Variants in CACNA2D3 observed in about 807,000 individuals in gnomAD.
CACNA2D3 encodes the protein voltage-dependent calcium channel subunit alpha-2/delta-3.
Under a neutral mutation model 160.6 loss-of-function variants are expected in CACNA2D3, and 60 were observed. The observed-to-expected ratio is 0.37, with a 90% confidence interval of 0.30 to 0.46. The LOEUF is 0.46. Among genes scored for constraint, CACNA2D3 ranks in the 20% least tolerant of loss-of-function variants. The pLI is 1.00. For missense variants in CACNA2D3, 1,205 were observed against 1,365.0 expected (o/e 0.88, Z 1.85); for synonymous variants, 558 against 492.9 (o/e 1.13, Z -1.75).
At chr3:54,301,422 A>T (rs886175307) in intron 2 of CACNA2D3, among the ~76,000 whole-genome samples, 1 of 152,172 alleles carries the variant, frequency 6.6e-6, no homozygotes, top group Non-Finnish European at 1.5e-5. Flanking sequence ...TATGATCATG[A>T]CACTGAACTC....
At chr3:54,930,046 AT>A (rs1701146185) in intron 27 of CACNA2D3, among the ~76,000 whole-genome samples, 1 of 152,208 alleles carries the variant, frequency 6.6e-6, no homozygotes. Context: ...CTCCATTGCA[AT>A]TATTGGACTC....
intron 11 of CACNA2D3, among the ~76,000 whole-genome samples, chr3:54,676,271 C>T (rs993040923): frequency 2.2e-4 from 34 of 152,144 alleles, no homozygotes. Context: ...TGGCAAAGTC[C>T]ATGTTAAAGG....
chr3:54,438,201 T>C (rs1700088635), intron 4 of CACNA2D3, among the ~76,000 whole-genome samples: 1 of 152,228 alleles, frequency 6.6e-6, no homozygotes, highest in Non-Finnish European at 1.5e-5. Context: ...ATCTTTCTTA[T>C]AGCTCCCTTG....
At chr3:54,549,670 A>G (rs149885450) in intron 5 of CACNA2D3, among the ~76,000 whole-genome samples, 1,955 of 152,228 alleles carry the variant, frequency 0.013, 18 homozygotes, top group Non-Finnish European at 0.02. Context: ...TTCTTTGTCC[A>G]GTCTGCGGCT....
chr3:54,754,900 G>C (rs1701942741), intron 12 of CACNA2D3, among the ~76,000 whole-genome samples: 1 of 152,058 alleles, frequency 6.6e-6, no homozygotes, highest in Non-Finnish European at 1.5e-5. Flanking sequence ...GAGAGAGGGG[G>C]GTGACTGAGA....
At chr3:54,231,425 A>T (rs1023013148) in intron 2 of CACNA2D3, among the ~76,000 whole-genome samples, 1 of 152,168 alleles carries the variant, frequency 6.6e-6, no homozygotes, top group Admixed American at 6.5e-5. Flanking sequence ...TGAAGTGATG[A>T]TTGTCAGAGT....
intron 13 of CACNA2D3, among the ~76,000 whole-genome samples, chr3:54,812,114 C>T (rs909837671): frequency 6.6e-6 from 1 of 152,160 alleles, no homozygotes; most frequent in Non-Finnish European, 1.5e-5. Flanking sequence ...CTCTAGTCAT[C>T]ACATTCACCT....
Position 54,505,583 on chromosome 3 carries a change from C to G in CACNA2D3, c.544+1929C>G, listed in dbSNP as rs146600314. On this transcript the variant is annotated intron_variant, in intron 5 of 37. Transcript: ENST00000474759. ...AATGATCCTGTCAGCAGATGAAATC[C>G]TAAATGAAACTGCCCCTTTTTGTGC... is the stretch of plus-strand genomic sequence containing the variant. 1.2e-3 allele frequency among the ~76,000 whole-genome samples: 177 copies of G among 152,280 alleles called. 3 individuals carry two copies. Among genetic ancestry groups the G allele is most frequent in the African/African-American group, 4.0e-3 (166 of 41,568 alleles).
chr3:54,814,419 G>C (rs971856311), intron 13 of CACNA2D3, among the ~76,000 whole-genome samples: 4 of 152,206 alleles, frequency 2.6e-5, no homozygotes, highest in African/African-American at 9.6e-5. Flanking sequence ...TATCTGGCTG[G>C]TCTGGCCCCT....
At chr3:54,741,882 A>G (rs1701655992) in intron 11 of CACNA2D3, among the ~76,000 whole-genome samples, 1 of 151,178 alleles carries the variant, frequency 6.6e-6, no homozygotes, top group Admixed American at 6.6e-5. Flanking sequence ...TTTATTTTTT[A>G]ATTTATTTAT....
At chr3:55,012,505 C>T (rs1044298219) in intron 34 of CACNA2D3, among the ~76,000 whole-genome samples, 1 of 152,106 alleles carries the variant, frequency 6.6e-6, no homozygotes, top group Non-Finnish European at 1.5e-5. Context: ...GACCTGCCAC[C>T]ACAGACATCT....
rs145281165 is a variant in CACNA2D3, at chr3:54,442,843, G to A, written c.381+56069G>A. Among the ~76,000 whole-genome samples the A allele has an allele frequency of 6.8e-3, 1,036 of 152,266 alleles. 13 individuals carry two copies. Among genetic ancestry groups the A allele is most frequent in the African/African-American group, 0.024 (982 of 41,540 alleles). Reference sequence around the variant, plus strand: ...CTTCTGAGAAACAGAGGGTCCTGTCGTACCCGTCGCCAGCCTCTTCATGAG... The same window carrying A: ...CTTCTGAGAAACAGAGGGTCCTGTCATACCCGTCGCCAGCCTCTTCATGAG... On this transcript the variant is annotated intron_variant, in intron 4 of 37. Transcript: ENST00000474759.
chr3:54,572,076 C>CCCAG (rs57669386), intron 8 of CACNA2D3, among the ~76,000 whole-genome samples: 53,928 of 151,914 alleles, frequency 0.35, 10,602 homozygotes, highest in Middle Eastern at 0.48. Context: ...GGGCTGCCTT[C>CCCAG]TGCATAGGCG....
At chr3:54,940,559 G>T (rs1282020159) in intron 27 of CACNA2D3, among the ~76,000 whole-genome samples, 1 of 151,996 alleles carries the variant, frequency 6.6e-6, no homozygotes, top group Non-Finnish European at 1.5e-5. Flanking sequence ...CCCTCCCCTT[G>T]TCTTTATATA....
intron 4 of CACNA2D3, among the ~76,000 whole-genome samples, chr3:54,465,672 G>A (rs1700610265): frequency 6.6e-6 from 1 of 152,168 alleles, no homozygotes; most frequent in Non-Finnish European, 1.5e-5. Flanking sequence ...ACAGGTTGGT[G>A]CAAAAGTAAT....
At chr3:54,442,506 T>A (rs897539738) in intron 4 of CACNA2D3, among the ~76,000 whole-genome samples, 3 of 152,148 alleles carry the variant, frequency 2.0e-5, no homozygotes, top group African/African-American at 7.2e-5. Context: ...AGCTCCACTT[T>A]CCCTTAACTG....
intron 2 of CACNA2D3, among the ~76,000 whole-genome samples, chr3:54,261,062 G>A (rs1702392461): frequency 6.6e-6 from 1 of 152,142 alleles, no homozygotes; most frequent in African/African-American, 2.4e-5. Flanking sequence ...TGACACCTAT[G>A]TCCTGGCGCA....
At chr3:54,916,032 C>A (rs1172207375) in intron 27 of CACNA2D3, among the ~76,000 whole-genome samples, 1 of 152,188 alleles carries the variant, frequency 6.6e-6, no homozygotes, top group African/African-American at 2.4e-5. Flanking sequence ...GGGTTGACCT[C>A]CACTGTCACC....
At chr3:54,593,018 C>A (rs951075297) in intron 9 of CACNA2D3, among the ~76,000 whole-genome samples, 1 of 152,118 alleles carries the variant, frequency 6.6e-6, no homozygotes, top group African/African-American at 2.4e-5. Flanking sequence ...CAGAAAGTAG[C>A]CCTTCTGCAC....
Sources: allele counts gnomAD v4.1 joint callset (sites outside exome capture counted in the v4.1 genomes callset), GRCh38; gene constraint gnomAD v4.1.1; transcripts MANE v1.5; gene names NCBI Gene and HGNC (gene_info 2026-07-23, HGNC 2026-07-21).